Variants in FER observed in about 807,000 individuals in gnomAD.
FER encodes FER tyrosine kinase.
FER carries 63 observed loss-of-function variants against 111.0 expected under a neutral mutation model. That is an observed-to-expected ratio of 0.57 (90% CI 0.46 to 0.70). The LOEUF is 0.70. Ranked by LOEUF, FER falls within the 30% of genes least tolerant of loss-of-function variation. FER has a pLI of 0.00. For synonymous variants in FER, 327 were observed against 313.9 expected, an observed-to-expected ratio of 1.04 and a Z score of -0.44; for missense variants, 914 against 954.0, an observed-to-expected ratio of 0.96 and a Z score of 0.55.
At chr5:108,935,448 A>T (rs528088133) in intron 10 of FER, among the ~76,000 whole-genome samples, 22 of 152,140 alleles carry the variant, frequency 1.4e-4, no homozygotes, top group African/African-American at 5.3e-4. Context: ...GTTTGATCTC[A>T]TGTTGAGACC....
In FER at chr5:109,127,741, A is replaced by G. The variant is rs116324105; in HGVS notation, c.2048+27222A>G. Among the ~76,000 whole-genome samples, 1,027 of 152,218 alleles carry G rather than the reference A, an allele frequency of 6.7e-3. 16 individuals carry two copies. Among genetic ancestry groups the G allele is most frequent in the African/African-American group, 0.024 (983 of 41,544 alleles). On this transcript the variant is annotated intron_variant, in intron 17 of 19. Transcript: ENST00000281092. ...TTTAAAGATTAGAAAAATATTACTA[A>G]TTAACTATATTAGGAGTCATTAAAA... is the stretch of plus-strand genomic sequence containing the variant.
chr5:109,052,588 C>A (rs576323718), intron 16 of FER: 2 of 582,338 alleles, frequency 3.4e-6, no homozygotes, highest in East Asian at 2.8e-5. Flanking sequence ...TTTAAAACTC[C>A]GCTGCTGTTT....
At chr5:109,077,899 C>G (rs1401363170) in intron 16 of FER, among the ~76,000 whole-genome samples, 2 of 152,096 alleles carry the variant, frequency 1.3e-5, no homozygotes, top group East Asian at 3.8e-4. Context: ...TGATTTGTTT[C>G]ATCTTATATA....
At chr5:109,007,455 T>A (rs561400640) in intron 13 of FER, among the ~76,000 whole-genome samples, 1 of 150,416 alleles carries the variant, frequency 6.6e-6, no homozygotes, top group Non-Finnish European at 1.5e-5. Flanking sequence ...AATTATTCTA[T>A]GCCCCTTTCT....
intron 17 of FER, among the ~76,000 whole-genome samples, chr5:109,148,439 TAAAGG>T (rs1438249806): frequency 6.6e-6 from 1 of 152,076 alleles, no homozygotes; most frequent in Non-Finnish European, 1.5e-5. Flanking sequence ...GAAAAGACAG[TAAAGG>T]AAAGGGACAA....
Position 109,130,679 on chromosome 5 carries a change from T to C in FER, c.2048+30160T>C, listed in dbSNP as rs549367994. On this transcript the variant is annotated intron_variant, in intron 17 of 19. Transcript: ENST00000281092. ...CTGCCTGTTGATAAATTTTACGTTG[T>C]TTTGTCATAGAAATTTTCAAAATCT... 9.5e-4 allele frequency among the ~76,000 whole-genome samples: 145 copies of C among 152,214 alleles called. 1 individual carries two copies. Among genetic ancestry groups the C allele is most frequent in the Non-Finnish European group, 1.6e-3 (108 of 67,976 alleles).
chr5:108,827,325 G>A (rs765800143), intron 3 of FER, among the ~76,000 whole-genome samples: 18 of 152,140 alleles, frequency 1.2e-4, no homozygotes, highest in Non-Finnish European at 1.9e-4. Context: ...ATTAGCAAGG[G>A]ACAGCACAGA....
At chr5:109,113,692 G>A (rs1561911013) in intron 17 of FER, among the ~76,000 whole-genome samples, 1 of 152,138 alleles carries the variant, frequency 6.6e-6, no homozygotes, top group Non-Finnish European at 1.5e-5. Flanking sequence ...CTAGCACTAT[G>A]CCTGGCGCAT....
chr5:108,818,524 T>C (rs1353731854), intron 3 of FER, among the ~76,000 whole-genome samples: 1 of 152,144 alleles, frequency 6.6e-6, no homozygotes, highest in African/African-American at 2.4e-5. Context: ...TTAATATTAA[T>C]ATACAACTCA....
chr5:109,023,321 A>T (rs145361536), intron 13 of FER, among the ~76,000 whole-genome samples: 189 of 152,270 alleles, frequency 1.2e-3, no homozygotes, highest in African/African-American at 4.5e-3. Context: ...GCTATGAGAG[A>T]AACACAGTTT....
chr5:109,098,238 A>G (rs1008764311), intron 16 of FER, among the ~76,000 whole-genome samples: 41 of 151,894 alleles, frequency 2.7e-4, no homozygotes, highest in African/African-American at 8.4e-4. Flanking sequence ...ATTATGTACT[A>G]TTAAACAATA....
At chr5:108,802,874 G>A (rs1187635064) in intron 3 of FER, among the ~76,000 whole-genome samples, 3 of 152,072 alleles carry the variant, frequency 2.0e-5, no homozygotes, top group African/African-American at 7.2e-5. Flanking sequence ...GGGACTGCTA[G>A]GTCTAATGGT....
intron 8 of FER, among the ~76,000 whole-genome samples, chr5:108,879,956 C>T (rs187527755): frequency 3.3e-5 from 5 of 151,830 alleles, no homozygotes; most frequent in East Asian, 1.9e-4. Flanking sequence ...ATGATCCACC[C>T]GCCCTCAACC....
At chr5:108,826,753 G>A (rs1759515554) in intron 3 of FER, among the ~76,000 whole-genome samples, 1 of 152,214 alleles carries the variant, frequency 6.6e-6, no homozygotes, top group East Asian at 1.9e-4. Flanking sequence ...GGAAGTGCTT[G>A]ATTACTGATT....
rs967222323 is a variant in FER at position 109,194,452 on chromosome 5, A to G, written c.*6877A>G. 2.6e-5 allele frequency: 4 copies of G among 152,138 alleles called. No individual in the cohort carries two copies. Among genetic ancestry groups the G allele is most frequent in the African/African-American group, 9.7e-5 (4 of 41,434 alleles). The allele number at this position is 152,138 out of a possible 1,614,324, so 9.4% of individuals were successfully genotyped here. A position where few individuals can be genotyped will look rare whatever the true frequency, so the allele number is the denominator to read the frequency against. On this transcript the variant is annotated 3_prime_UTR_variant, in exon 20 of 20. Transcript: ENST00000281092. ...TCCTGAAAAGCCAAACACCACACCTATTTTCCTATTTGCTAAGAATCAGAA... is the reference window on the plus strand; with the variant it reads ...TCCTGAAAAGCCAAACACCACACCTGTTTTCCTATTTGCTAAGAATCAGAA...
At chr5:109,115,780 A>T (rs778670243) in intron 17 of FER, among the ~76,000 whole-genome samples, 9 of 152,100 alleles carry the variant, frequency 5.9e-5, no homozygotes, top group Non-Finnish European at 1.2e-4. Context: ...TGGTAGTTAG[A>T]TGCTTTCTGT....
At chr5:108,774,543 C>G (rs1306261903) in intron 2 of FER, among the ~76,000 whole-genome samples, 1 of 152,152 alleles carries the variant, frequency 6.6e-6, no homozygotes, top group Non-Finnish European at 1.5e-5. Context: ...ATTCGTATTT[C>G]TCCACAGCCT....
In FER at chr5:108,835,781, A is replaced by G; in HGVS notation, c.455A>G (p.Glu152Gly). The G allele has an allele frequency of 1.3e-6, 2 of 1,558,198 alleles. No homozygotes were observed. The highest frequency in any genetic ancestry group is 1.4e-5 in the African/African-American group (1 of 71,576). The stretch of plus-strand genomic sequence containing the variant: ...ATAAAAGAAATGAATTCTGCCAAAG[A>G]GAAATATAAAGAAGCTTTAGCTAAA... Reference protein sequence around the residue: ...QLIKEMNSAKEKYKEALAKGK... With the variant: ...QLIKEMNSAKGKYKEALAKGK... Residue 152 changes from glutamate (E) to glycine (G), a missense_variant, in exon 5 of 20, where the codon GAG becomes GGG. Transcript: ENST00000281092.
intron 9 of FER, among the ~76,000 whole-genome samples, chr5:108,889,900 G>A (rs1463916981): frequency 6.6e-6 from 1 of 151,940 alleles, no homozygotes. Flanking sequence ...TTTATTTTGA[G>A]ATCATTATGG....
Sources: gnomAD v4.1 joint callset for allele counts (sites outside exome capture counted in the v4.1 genomes callset) on GRCh38, gnomAD v4.1.1 for gene constraint, MANE v1.5 for transcripts, NCBI Gene and HGNC (gene_info 2026-07-23, HGNC 2026-07-21) for gene names.